Variants in STK31 observed in about 807,000 individuals in gnomAD.
The protein encoded by STK31 is serine/threonine kinase 31, also known as serine/threonine-protein kinase 31.
A neutral mutation model predicts 129.7 loss-of-function variants in STK31; 89 were observed. That is an observed-to-expected ratio of 0.69 (90% CI 0.58 to 0.82). STK31 has a LOEUF of 0.82. Ranked by LOEUF, STK31 falls within the 40% of genes least tolerant of loss-of-function variation. STK31 has a pLI of 0.00. For missense variants in STK31, 1,187 were observed against 1,176.4 expected, an observed-to-expected ratio of 1.01 and a Z score of -0.13; for synonymous variants, 448 against 395.3, an observed-to-expected ratio of 1.13 and a Z score of -1.58.
chr7:23,783,692 A>G (rs748404742), intron 17 of STK31, 29 bp downstream of exon 17: 43 of 1,545,138 alleles, frequency 2.8e-5, no homozygotes, highest in Non-Finnish European at 3.8e-5. Context: ...GCGAATTACT[A>G]CTCTTCAGAG....
chr7:23,713,598 A>G (rs191142846), intron 3 of STK31, among the ~76,000 whole-genome samples: 1 of 152,290 alleles, frequency 6.6e-6, no homozygotes, highest in Admixed American at 6.5e-5. Context: ...TCCTTATTCT[A>G]AAGCTTTCTT....
At chr7:23,828,024 T>G (rs1396088491) in intron 23 of STK31, among the ~76,000 whole-genome samples, 1 of 152,202 alleles carries the variant, frequency 6.6e-6, no homozygotes, top group Admixed American at 6.5e-5. Context: ...GCCTCCCAGT[T>G]AGGCTACTCG....
intron 15 of STK31, among the ~76,000 whole-genome samples, chr7:23,775,282 T>G (rs952683823): frequency 6.6e-6 from 1 of 152,216 alleles, no homozygotes; most frequent in African/African-American, 2.4e-5. Flanking sequence ...GCTTTGTTCT[T>G]TTTGCTTAGG....
chr7:23,808,165 A>ATTTT (rs1488099575), intron 22 of STK31, among the ~76,000 whole-genome samples: 3 of 119,460 alleles, frequency 2.5e-5, no homozygotes, highest in African/African-American at 9.0e-5. Flanking sequence ...ATATATATAT[A>ATTTT]TATATTTTTT....
chr7:23,792,999 G>C (rs1791737073), intron 22 of STK31, among the ~76,000 whole-genome samples: 1 of 152,212 alleles, frequency 6.6e-6, no homozygotes, highest in Non-Finnish European at 1.5e-5. Flanking sequence ...TCCAGCCTAG[G>C]CTACAGAGCA....
chr7:23,735,459 C>A, intron 6 of STK31, 79 bp from the exon 7 acceptor site: 1 of 1,281,514 alleles, frequency 7.8e-7, no homozygotes, highest in Non-Finnish European at 1.1e-6. Context: ...AAATATGATG[C>A]TTGGAAAAAA....
chr7:23,717,553 G>T lies in STK31; in HGVS notation c.223G>T (p.Val75Phe). ...TGAAGTTTGCCCCCAGGCCAGTTCA[G>T]TTTTGGGGAATCTTGACCCAAACAA... Reference protein sequence around the residue: ...LSEVCPQASSVLGNLDPNKIY... With the variant: ...LSEVCPQASSFLGNLDPNKIY... The change falls in exon 4 of 24, where the codon GTT (valine) becomes TTT (phenylalanine). Residue 75 changes from valine to phenylalanine, a missense_variant. Around this residue, in one of 5 missense-constraint regions of STK31, gnomAD observed 104 missense variants for 98.3 expected, o/e 1.06. Transcript: ENST00000355870. 6.2e-7 allele frequency: 1 copy of T among 1,612,694 alleles called. No individual in the cohort carries two copies. The highest frequency in any genetic ancestry group is 8.5e-7 in the Non-Finnish European group (1 of 1,179,194).
chr7:23,740,775 T>G (rs147712483), intron 8 of STK31, among the ~76,000 whole-genome samples: 2,222 of 152,276 alleles, frequency 0.015, 42 homozygotes, highest in African/African-American at 0.05. Context: ...GATAGTTTGC[T>G]GAGAATGATG....
chr7:23,757,012 G>A (rs185552087), intron 10 of STK31, among the ~76,000 whole-genome samples: 1 of 152,280 alleles, frequency 6.6e-6, no homozygotes, highest in Non-Finnish European at 1.5e-5. Context: ...CATAAAATGA[G>A]TTAGGGAGGA....
chr7:23,758,877 G>A (rs1232341426), intron 10 of STK31, among the ~76,000 whole-genome samples: 1 of 152,152 alleles, frequency 6.6e-6, no homozygotes, highest in African/African-American at 2.4e-5. Context: ...ACTCATCTGT[G>A]TGCTGTATTC....
Position 23,762,804 on chromosome 7 carries a change from G to A in STK31, c.1297G>A (p.Glu433Lys). 2 of 1,610,168 alleles carry A rather than the reference G, an allele frequency of 1.2e-6. No homozygotes were observed. The highest frequency in any genetic ancestry group is 2.2e-5 in the South Asian group (2 of 89,800). ...ENIKTCEYVS[E>K]GNILIAQRNE... is the part of the protein sequence containing the mutation. ...TATTCTTTTTTTCTTCCTCCAGAGT[G>A]AAGGGAATATTTTGATTGCCCAAAG... The change falls in exon 11 of 24, where the codon GAA becomes AAA. Residue 433 changes from glutamate to lysine, a missense_variant. Coordinates refer to ENST00000355870, the MANE Select transcript of STK31 (RefSeq NM_031414.5).
intron 6 of STK31, among the ~76,000 whole-genome samples, chr7:23,730,876 A>ATTT (rs1490417846): frequency 2.5e-4 from 15 of 59,952 alleles, no homozygotes; most frequent in East Asian, 1.4e-3. Flanking sequence ...ATATATATAT[A>ATTT]TATTTTTTTT....
At chr7:23,768,026 A>G (rs987372241) in intron 11 of STK31, among the ~76,000 whole-genome samples, 1 of 151,104 alleles carries the variant, frequency 6.6e-6, no homozygotes, top group African/African-American at 2.4e-5. Flanking sequence ...TTTTATTGTT[A>G]CTGTTATTTT....
intron 22 of STK31, among the ~76,000 whole-genome samples, chr7:23,805,732 A>G (rs1228177781): frequency 6.6e-6 from 1 of 151,632 alleles, no homozygotes; most frequent in Non-Finnish European, 1.5e-5. Flanking sequence ...CAATTTGTCC[A>G]CCTTTGTCTG....
intron 6 of STK31, among the ~76,000 whole-genome samples, chr7:23,735,123 C>T (rs1787642110): frequency 1.3e-5 from 2 of 152,090 alleles, no homozygotes; most frequent in Admixed American, 1.3e-4. Context: ...GAGTTCCTGA[C>T]TCTGCCTCTA....
intron 8 of STK31, among the ~76,000 whole-genome samples, chr7:23,737,597 T>C (rs1184699636): frequency 6.6e-6 from 1 of 152,226 alleles, no homozygotes; most frequent in Non-Finnish European, 1.5e-5. Flanking sequence ...ATCCAGGCAG[T>C]ATTCAAATTT....
chr7:23,757,471 A>C (rs558828559), intron 10 of STK31, among the ~76,000 whole-genome samples: 6 of 152,194 alleles, frequency 3.9e-5, no homozygotes, highest in African/African-American at 1.4e-4. Flanking sequence ...CAGCAGGAAA[A>C]CATGTGAACA....
chr7:23,788,095 G>A lies in STK31; in HGVS notation c.2603G>A (p.Gly868Glu). The A allele has an allele frequency of 6.2e-7, 1 of 1,611,502 alleles. No homozygotes were observed. The highest frequency in any genetic ancestry group is 8.5e-7 in the Non-Finnish European group (1 of 1,179,064). Residue 868 changes from glycine to glutamate, a missense_variant, in exon 21 of 24, where the codon GGA becomes GAA. Transcript: ENST00000355870. ...GTATTTGCTTTAAACCGTGAACAAGGAATTGTTGGAGATTTTGACTTCACC... is the reference window on the plus strand; with the variant it reads ...GTATTTGCTTTAAACCGTGAACAAGAAATTGTTGGAGATTTTGACTTCACC... Reference protein sequence around the residue: ...NNVFALNREQGIVGDFDFTKS... With the variant: ...NNVFALNREQEIVGDFDFTKS...
chr7:23,777,463 A>G (rs1276028356), intron 15 of STK31, among the ~76,000 whole-genome samples: 1 of 152,174 alleles, frequency 6.6e-6, no homozygotes, highest in African/African-American at 2.4e-5. Flanking sequence ...GTGGGAGTCT[A>G]ATTCTCTTTG....
Sources: allele counts gnomAD v4.1 joint callset (sites outside exome capture counted in the v4.1 genomes callset), GRCh38; gene constraint gnomAD v4.1.1; regional missense constraint gnomAD v4.1.1; transcripts MANE v1.5; gene names NCBI Gene and HGNC (gene_info 2026-07-23, HGNC 2026-07-21).